The following COLGALT1 variants were observed in gnomAD, a reference collection of about 807,000 sequenced individuals.
COLGALT1 encodes procollagen galactosyltransferase 1.
In COLGALT1, 43 loss-of-function variants were observed where a neutral mutation model predicts 60.8. The ratio of observed to expected loss-of-function variants is 0.71; its 90% CI spans 0.55 to 0.91. COLGALT1 has a LOEUF of 0.91. COLGALT1 is among the 40% of genes least tolerant of loss of function. The pLI is 0.00. For missense variants in COLGALT1, 845 were observed against 880.0 expected, an observed-to-expected ratio of 0.96 and a Z score of 0.50; for synonymous variants, 369 against 374.2, an observed-to-expected ratio of 0.99 and a Z score of 0.16.
chr19:17,562,807 C>T (rs1203384488), intron 3 of COLGALT1, among the ~76,000 whole-genome samples: 2 of 152,240 alleles, frequency 1.3e-5, no homozygotes. Flanking sequence ...GAGACAGGTT[C>T]TGCTTTGACA....
At chr19:17,567,870 A>C (rs930531600) in intron 4 of COLGALT1, among the ~76,000 whole-genome samples, 2 of 151,848 alleles carry the variant, frequency 1.3e-5, no homozygotes, top group Non-Finnish European at 2.9e-5. Context: ...AATCACTTGA[A>C]CCCAGGAGGC....
Position 17,568,558 on chromosome 19 carries a change from G to T in COLGALT1, c.674G>T (p.Arg225Leu). 6.2e-7 allele frequency: 1 copy of T among 1,614,174 alleles called. No individual in the cohort carries two copies. Among genetic ancestry groups the T allele is most frequent in the Non-Finnish European group, 8.5e-7 (1 of 1,180,044 alleles). ...TACATCCCTATCCGCAAGCGAGACC[G>T]CCGGGGCTGCTTTGCAGTTCCCATG... is the stretch of plus-strand genomic sequence containing the variant. ...PAYIPIRKRD[R>L]RGCFAVPMVH... The change falls in exon 5 of 12, where the codon CGC becomes CTC. Residue 225 changes from arginine to leucine, a missense_variant. By Grantham distance (102) the Arg-to-Leu change is moderately radical. Coordinates refer to ENST00000252599, the MANE Select transcript of COLGALT1 (RefSeq NM_024656.4).
chr19:17,581,716 G>T lies in COLGALT1; in HGVS notation c.*272G>T. 1 of 513,202 alleles carries T rather than the reference G, an allele frequency of 1.9e-6. No individual in the cohort carries two copies. Among genetic ancestry groups the T allele is most frequent in the South Asian group, 2.5e-5 (1 of 40,090 alleles). 31.8% of individuals were successfully genotyped at this position (513,202 alleles called of 1,614,324 possible). ...TGTGCCCAGCATTTATTAAGCACCT[G>T]CTGTATGCAAGGTTCCCATGTTACG... On this transcript the variant is annotated 3_prime_UTR_variant, in exon 12 of 12. Transcript: ENST00000252599.
rs776599033 is a variant in COLGALT1 at position 17,582,506 on chromosome 19, CAA to C, written c.*1065_*1066del. On this transcript the variant is annotated 3_prime_UTR_variant, in exon 12 of 12. Transcript: ENST00000252599. ...GACTGTGTGCCGGGCACTAGTGATA[CAA>C]AAGAGTGTGACAGTTGTTCAGTCTG... The C allele has an allele frequency of 3.3e-5, 5 of 152,224 alleles. No individual in the cohort carries two copies. Among genetic ancestry groups the C allele is most frequent in the Non-Finnish European group, 5.9e-5 (4 of 68,046 alleles). The allele number at this position is 152,224 out of a possible 1,614,324, so 9.4% of individuals were successfully genotyped here. A position where few individuals can be genotyped will look rare whatever the true frequency, so the allele number is the denominator to read the frequency against.
intron 9 of COLGALT1, among the ~76,000 whole-genome samples, chr19:17,578,994 G>GCC (rs2076361762): frequency 5.3e-5 from 8 of 151,836 alleles, no homozygotes; most frequent in Admixed American, 5.3e-4. Flanking sequence ...TGGGCGACAA[G>GCC]AGTGACACTC....
At chr19:17,566,562 C>T (rs1255696527) in intron 3 of COLGALT1, among the ~76,000 whole-genome samples, 1 of 151,860 alleles carries the variant, frequency 6.6e-6, no homozygotes, top group Non-Finnish European at 1.5e-5. Flanking sequence ...TGGGGAGGAT[C>T]GCTTTGAGCC....
chr19:17,580,623 A>G (rs1205086730), intron 10 of COLGALT1, 76 bp from the exon 11 acceptor site: 11 of 1,466,582 alleles, frequency 7.5e-6, no homozygotes, highest in African/African-American at 2.8e-5. Context: ...TGACGGGGTA[A>G]CTAGATCCCT....
chr19:17,561,631 C>CAAAAA (rs11332403), intron 3 of COLGALT1, among the ~76,000 whole-genome samples: 29 of 72,754 alleles, frequency 4.0e-4, no homozygotes, highest in East Asian at 1.5e-3. Flanking sequence ...GACTCTGTCT[C>CAAAAA]AAAAAAAAAA....
intron 3 of COLGALT1, 108 bp downstream of exon 3, chr19:17,560,573 G>C: frequency 1.2e-6 from 1 of 862,484 alleles, no homozygotes; most frequent in Admixed American, 1.9e-5. Flanking sequence ...TTTGCAGAAG[G>C]GTAAACTGAG....
rs548788401 is a variant in COLGALT1 at position 17,573,094 on chromosome 19, TAAAGAACTGCA to T, written c.949+493_949+503del. Among the ~76,000 whole-genome samples, 25 of 152,118 alleles carry T rather than the reference TAAAGAACTGCA, an allele frequency of 1.6e-4. No homozygotes were observed. The South Asian group carries it at 5.2e-3, about 32-fold the overall frequency. ...AACTGAGAGGACAGCAAGTTTTCAC[TAAAGAACTGCA>T]TGTATAGGCCAGGCATGGTGACTCA... On this transcript the variant is annotated intron_variant, in intron 6 of 11. Transcript: ENST00000252599.
chr19:17,569,181 C>T (rs1428127707), intron 5 of COLGALT1, among the ~76,000 whole-genome samples: 1 of 152,070 alleles, frequency 6.6e-6, no homozygotes, highest in African/African-American at 2.4e-5. Flanking sequence ...CACTGCACTC[C>T]AGCCTGGGCA....
chr19:17,562,271 C>A (rs1315869887), intron 3 of COLGALT1, among the ~76,000 whole-genome samples: 1 of 152,220 alleles, frequency 6.6e-6, no homozygotes, highest in African/African-American at 2.4e-5. Flanking sequence ...TCCAACTACA[C>A]AGGCCAGTGG....
At chr19:17,557,315 T>C (rs1408504505) in intron 1 of COLGALT1, among the ~76,000 whole-genome samples, 1 of 152,178 alleles carries the variant, frequency 6.6e-6, no homozygotes, top group Non-Finnish European at 1.5e-5. Context: ...CTTTTTTTTT[T>C]CTCTCAGACG....
intron 3 of COLGALT1, among the ~76,000 whole-genome samples, 172 bp from the exon 4 acceptor site, chr19:17,567,234 C>G (rs1038707455): frequency 4.6e-5 from 7 of 152,220 alleles, no homozygotes; most frequent in Non-Finnish European, 8.8e-5. Context: ...TTTCCATGAT[C>G]CAGGGGATCC....
rs1568483401 is a variant in COLGALT1, at chr19:17,581,258, C to T, written c.1683C>T (p.Tyr561=). ...CGCTGCTCATCTACCCCACACACTA[C>T]ACAGGAGACGATGGCTATGTGAGTG... The part of the protein sequence containing the change: ...VEPLLIYPTH[Y]TGDDGYVSDT... The change falls in exon 12 of 12, where the codon TAC becomes TAT. Residue 561 remains tyrosine (Y), a synonymous_variant. Transcript: ENST00000252599. 1 of 1,612,010 alleles carries T rather than the reference C, an allele frequency of 6.2e-7. No homozygotes were observed. The highest frequency in any genetic ancestry group is 8.5e-7 in the Non-Finnish European group (1 of 1,180,010).
At chr19:17,566,501 T>C (rs2076280614) in intron 3 of COLGALT1, among the ~76,000 whole-genome samples, 1 of 152,148 alleles carries the variant, frequency 6.6e-6, no homozygotes, top group African/African-American at 2.4e-5. Context: ...TATTTAATTT[T>C]AGTCTAGGTG....
At chr19:17,573,606 G>A (rs1181978789) in intron 6 of COLGALT1, among the ~76,000 whole-genome samples, 5 of 152,208 alleles carry the variant, frequency 3.3e-5, no homozygotes, top group Admixed American at 3.3e-4. Flanking sequence ...GCTGAGGTGG[G>A]AGAATCCTTT....
intron 3 of COLGALT1, among the ~76,000 whole-genome samples, chr19:17,565,860 G>A (rs1247031943): frequency 1.3e-5 from 2 of 152,144 alleles, no homozygotes; most frequent in Non-Finnish European, 2.9e-5. Flanking sequence ...CAGAGGGACC[G>A]GATGGGGTGT....
chr19:17,568,770 G>T, intron 5 of COLGALT1, 57 bp downstream of exon 5: 2 of 1,567,432 alleles, frequency 1.3e-6, no homozygotes, highest in Non-Finnish European at 1.8e-6. Flanking sequence ...TTTGGGTTTT[G>T]CACTAAGCCA....
Sources: gnomAD v4.1 joint callset for allele counts (sites outside exome capture counted in the v4.1 genomes callset) on GRCh38, gnomAD v4.1.1 for gene constraint, MANE v1.5 for transcripts, NCBI Gene and HGNC (gene_info 2026-07-23, HGNC 2026-07-21) for gene names.